GSE1: variants seen among roughly 807,000 people sequenced by gnomAD.
GSE1 encodes genetic suppressor element 1.
GSE1 carries 32 observed loss-of-function variants against 112.6 expected under a neutral mutation model. The observed-to-expected ratio is 0.28, with a 90% confidence interval of 0.21 to 0.38. GSE1 has a LOEUF of 0.38. Ranked by LOEUF, GSE1 falls within the 10% of genes least tolerant of loss-of-function variation. The pLI, the probability that GSE1 is intolerant of heterozygous loss-of-function variation, is 1.00. For missense variants in GSE1, 2,348 were observed against 1,699.2 expected (o/e 1.38, Z -6.71); for synonymous variants, 1,115 against 735.6 (o/e 1.52, Z -8.35).
chr16:85,623,720 C>A (rs954453048), intron 1 of GSE1, among the ~76,000 whole-genome samples: 1 of 152,194 alleles, frequency 6.6e-6, no homozygotes. Context: ...AGGGAAGGGA[C>A]GTTTTCCAGT....
intron 1 of GSE1, among the ~76,000 whole-genome samples, chr16:85,253,455 C>T (rs917648701): frequency 1.3e-5 from 2 of 152,220 alleles, no homozygotes; most frequent in Admixed American, 6.5e-5. Flanking sequence ...CTGCTGCAGC[C>T]ACCTCTGCTG....
At chr16:85,568,958 C>T (rs987142926) in intron 1 of GSE1, among the ~76,000 whole-genome samples, 1 of 152,190 alleles carries the variant, frequency 6.6e-6, no homozygotes, top group African/African-American at 2.4e-5. Flanking sequence ...AGGATGGAGA[C>T]CCCTAGAAAT....
intron 1 of GSE1, among the ~76,000 whole-genome samples, chr16:85,336,899 C>T (rs577026956): frequency 1.3e-5 from 2 of 152,368 alleles, no homozygotes; most frequent in Admixed American, 6.5e-5. Flanking sequence ...CAGGCACACA[C>T]GTTCGTGTAC....
rs563752752 is a variant in GSE1 at position 85,171,009 on chromosome 16, C to G, written c.1485C>G (p.Val495=). The change falls in exon 1 of 3, where the codon GTC becomes GTG. Residue 495 remains valine, a synonymous_variant. Coordinates refer to the GSE1 transcript ENST00000637419. Reference sequence around the variant, plus strand: ...ACTGTACCCCGGATGCCCGGGCGGTCCCCTCCAGGATCCTCAACGGCAACG... The same window carrying G: ...ACTGTACCCCGGATGCCCGGGCGGTGCCCTCCAGGATCCTCAACGGCAACG... 111 of 985,560 alleles carry G rather than the reference C, an allele frequency of 1.1e-4. No homozygotes were observed. The Admixed American group carries it at 1.4e-3, about 12-fold the overall frequency. The allele number at this position is 985,560 out of a possible 1,614,324, so 61.1% of individuals were successfully genotyped here.
chr16:85,510,624 A>G (rs2051710108), intron 2 of GSE1, among the ~76,000 whole-genome samples: 1 of 152,178 alleles, frequency 6.6e-6, no homozygotes, highest in Admixed American at 6.5e-5. Context: ...CAGCCTTTTT[A>G]GGGAGGCTGC....
At chr16:85,651,331 C>T (rs926916404) in intron 3 of GSE1, among the ~76,000 whole-genome samples, 7 of 151,910 alleles carry the variant, frequency 4.6e-5, no homozygotes, top group Non-Finnish European at 1.0e-4. Flanking sequence ...CCAGGGTTGG[C>T]CGGGCGCCAG....
At chr16:85,173,424 A>G (rs191734863) in intron 1 of GSE1, among the ~76,000 whole-genome samples, 348 of 152,294 alleles carry the variant, frequency 2.3e-3, no homozygotes, top group Admixed American at 7.4e-3. Flanking sequence ...TGAGAGTTCA[A>G]TGGATTGGGG....
intron 6 of GSE1, 96 bp downstream of exon 6, chr16:85,656,013 G>A: frequency 2.1e-6 from 2 of 950,460 alleles, no homozygotes; most frequent in Non-Finnish European, 3.1e-6. Flanking sequence ...TGGACTCCTT[G>A]GCCATGCCTG....
In GSE1 at chr16:85,498,183, G is replaced by A. The variant is rs192999648; in HGVS notation, c.2465-135731G>A. On this transcript the variant is annotated intron_variant, in intron 2 of 2. Transcript: ENST00000637419. ...CTCCCCCGTTTGTTCTGCAGGCTGC[G>A]ATTCCTCTCCTGGGATCCTCCCAGC... Among the ~76,000 whole-genome samples the A allele has an allele frequency of 3.9e-5, 6 of 152,240 alleles. No individual in the cohort carries two copies. The South Asian group carries it at 6.2e-4, about 16-fold the overall frequency.
At chr16:85,382,811 TACACACATGCACAAACACACTCATGC>T (rs2047579971) in intron 2 of GSE1, among the ~76,000 whole-genome samples, 1 of 148,766 alleles carries the variant, frequency 6.7e-6, no homozygotes, top group African/African-American at 2.5e-5. Context: ...CACACACTCA[TACACACATGCACAAACACACTCATGC>T]ACACACATGC....
intron 2 of GSE1, among the ~76,000 whole-genome samples, chr16:85,360,178 G>A (rs1208829579): frequency 1.3e-5 from 2 of 152,102 alleles, no homozygotes; most frequent in African/African-American, 4.8e-5. Flanking sequence ...TGGCCACCAG[G>A]TCCCTGGAAA....
chr16:85,326,920 AT>A (rs1245430707), intron 1 of GSE1, among the ~76,000 whole-genome samples: 1 of 152,264 alleles, frequency 6.6e-6, no homozygotes, highest in African/African-American at 2.4e-5. Flanking sequence ...ACTTAGCAGC[AT>A]AAACCATAAT....
intron 1 of GSE1, among the ~76,000 whole-genome samples, chr16:85,603,456 C>G (rs1370453816): frequency 2.6e-5 from 4 of 152,206 alleles, no homozygotes; most frequent in African/African-American, 9.6e-5. Context: ...AGGCCCTGCC[C>G]TGCATCTGGC....
intron 1 of GSE1, among the ~76,000 whole-genome samples, chr16:85,625,704 G>A (rs1193521816): frequency 1.3e-5 from 2 of 152,166 alleles, no homozygotes; most frequent in African/African-American, 4.8e-5. Flanking sequence ...ATTCACAGCA[G>A]GACTGCAGCT....
At chr16:85,253,434 G>T (rs543518939) in intron 1 of GSE1, among the ~76,000 whole-genome samples, 1 of 152,328 alleles carries the variant, frequency 6.6e-6, no homozygotes, top group African/African-American at 2.4e-5. Flanking sequence ...TCTCCAGGGG[G>T]AACAGAGCTG....
chr16:85,314,189 C>T (rs1270961687), intron 1 of GSE1, among the ~76,000 whole-genome samples: 1 of 152,090 alleles, frequency 6.6e-6, no homozygotes, highest in African/African-American at 2.4e-5. Context: ...CCTCACAGAG[C>T]CCGGGGAGTG....
Position 85,265,738 on chromosome 16 carries a change from C to T in GSE1, c.2284-91725C>T, listed in dbSNP as rs190547810. On this transcript the variant is annotated intron_variant, in intron 1 of 2. Transcript: ENST00000637419. ...ATGTTTTGATCAGGCCATTGGGGGG[C>T]TCTCTGCTGTGCTCAGGACCTGGGG... Among the ~76,000 whole-genome samples, 12 of 152,244 alleles carry T rather than the reference C, an allele frequency of 7.9e-5. No individual in the cohort carries two copies. In the East Asian group the frequency reaches 2.3e-3, roughly 29 times the overall value.
chr16:85,508,313 C>T (rs1028995578), intron 2 of GSE1, among the ~76,000 whole-genome samples: 14 of 152,198 alleles, frequency 9.2e-5, no homozygotes, highest in Non-Finnish European at 4.4e-5. Context: ...GGATTACAGG[C>T]AGGAGCCACC....
At chr16:85,247,856 C>T (rs1422686986) in intron 1 of GSE1, among the ~76,000 whole-genome samples, 1 of 152,232 alleles carries the variant, frequency 6.6e-6, no homozygotes, top group Non-Finnish European at 1.5e-5. Flanking sequence ...TGAACAGTGG[C>T]ACAGGCCCTG....
Sources: allele counts gnomAD v4.1 joint callset (sites outside exome capture counted in the v4.1 genomes callset), GRCh38; gene constraint gnomAD v4.1.1; transcripts MANE v1.5; gene names NCBI Gene and HGNC (gene_info 2026-07-23, HGNC 2026-07-21).